VAT1L: variants seen among roughly 807,000 people sequenced by gnomAD.
VAT1L encodes the protein putative NADPH-dependent quinone oxidoreductase VAT1L.
In VAT1L, 34 loss-of-function variants were observed where a neutral mutation model predicts 44.1. That is an observed-to-expected ratio of 0.77 (90% CI 0.59 to 1.03). VAT1L has a LOEUF of 1.03. Ranked by LOEUF, VAT1L falls within the 50% of genes least tolerant of loss-of-function variation. The probability of loss-of-function intolerance (pLI) is 0.00; values close to 1 mark genes in which losing one functional copy is unlikely to be tolerated. For missense variants in VAT1L, 615 were observed against 538.8 expected (o/e 1.14, Z -1.40); for synonymous variants, 253 against 202.2 (o/e 1.25, Z -2.13).
intron 7 of VAT1L, among the ~76,000 whole-genome samples, chr16:77,894,222 A>C (rs1474689577): frequency 2.6e-5 from 4 of 152,212 alleles, no homozygotes; most frequent in Admixed American, 2.0e-4. Context: ...AGGCATCCAC[A>C]GAAAGGCAGC....
chr16:77,806,505 G>C (rs6564479), intron 1 of VAT1L, among the ~76,000 whole-genome samples: 1 of 91,936 alleles, frequency 1.1e-5, no homozygotes, highest in African/African-American at 2.9e-5. Context: ...CACCACGCCC[G>C]GCCAAGTTTT....
At chr16:77,941,188 G>C (rs1189794731) in intron 7 of VAT1L, among the ~76,000 whole-genome samples, 1 of 152,144 alleles carries the variant, frequency 6.6e-6, no homozygotes. Context: ...ATAAGCAAAA[G>C]TCACTTGCTT....
intron 7 of VAT1L, among the ~76,000 whole-genome samples, chr16:77,920,729 T>A (rs889401425): frequency 6.6e-6 from 1 of 152,202 alleles, no homozygotes; most frequent in African/African-American, 2.4e-5. Context: ...TGGGTTACAA[T>A]TGCTTACAGT....
chr16:77,898,351 T>C (rs1164906202), intron 7 of VAT1L, among the ~76,000 whole-genome samples: 5 of 152,156 alleles, frequency 3.3e-5, no homozygotes, highest in African/African-American at 4.8e-5. Flanking sequence ...GTTATATCCA[T>C]AACAAACTAT....
intron 3 of VAT1L, among the ~76,000 whole-genome samples, chr16:77,839,244 GCAA>G (rs1416557409): frequency 6.6e-6 from 1 of 151,944 alleles, no homozygotes; most frequent in Non-Finnish European, 1.5e-5. Flanking sequence ...TTAAGAATGG[GCAA>G]CAACACGGCC....
At chr16:77,892,740 C>A (rs2017281082) in intron 7 of VAT1L, 2 of 751,220 alleles carry the variant, frequency 2.7e-6, no homozygotes, top group Admixed American at 3.4e-5. Context: ...GGACCCAGCA[C>A]AAATGGTTTC....
At position 77,884,804 on chromosome 16, in the gene VAT1L, T is replaced by G; in HGVS notation, c.1077+2T>G. ...GACTCCTTGTGGGCTCTGGAGGAGG[T>G]AAGAATGGTGCTTTTCTTCTGCAAA... is the stretch of plus-strand genomic sequence containing the variant. On this transcript the variant is annotated splice_donor_variant, in intron 7 of 8. Transcript: ENST00000302536. LOFTEE classifies it high-confidence loss of function. This position sits in a 1 kb window ranked among gnomAD's most constrained non-coding sequence, Gnocchi z 4.5. The G allele has an allele frequency of 6.8e-7, 1 of 1,476,774 alleles. No homozygotes were observed. The highest frequency in any genetic ancestry group is 2.6e-5 in the East Asian group (1 of 39,194). 91.5% of individuals were successfully genotyped at this position (1,476,774 alleles called of 1,614,324 possible).
intron 1 of VAT1L, among the ~76,000 whole-genome samples, chr16:77,804,152 T>C (rs2016113973): frequency 6.6e-6 from 1 of 152,232 alleles, no homozygotes; most frequent in Non-Finnish European, 1.5e-5. Context: ...TTCAATTGGA[T>C]GACATTAAAT....
At chr16:77,894,992 G>A (rs991306060) in intron 7 of VAT1L, among the ~76,000 whole-genome samples, 2 of 151,776 alleles carry the variant, frequency 1.3e-5, no homozygotes, top group Non-Finnish European at 2.9e-5. Context: ...AGCAATTGCT[G>A]TGTTTGCTGT....
At chr16:77,924,226 C>T (rs2017642547) in intron 7 of VAT1L, among the ~76,000 whole-genome samples, 1 of 151,928 alleles carries the variant, frequency 6.6e-6, no homozygotes, top group African/African-American at 2.4e-5. Flanking sequence ...TTGCTATTTT[C>T]TAGGGCTTAT....
chr16:77,915,440 G>T (rs191880935), intron 7 of VAT1L, among the ~76,000 whole-genome samples: 12 of 152,272 alleles, frequency 7.9e-5, no homozygotes, highest in Non-Finnish European at 1.3e-4. Flanking sequence ...CATCTGGGGG[G>T]AAACAAATGG....
intron 3 of VAT1L, among the ~76,000 whole-genome samples, chr16:77,834,122 G>T (rs972238688): frequency 6.6e-6 from 1 of 152,134 alleles, no homozygotes; most frequent in Non-Finnish European, 1.5e-5. Context: ...GGCTCCCATT[G>T]TTCTCAGGAC....
chr16:77,946,279 C>CTTTTTTTTTGTTTTTTTTTTTTT (rs2017963977), intron 7 of VAT1L, among the ~76,000 whole-genome samples: 1 of 70,428 alleles, frequency 1.4e-5, no homozygotes, highest in Non-Finnish European at 2.5e-5. Context: ...GTTACTTGTT[C>CTTTTTTTTTGTTTTTTTTTTTTT]TTTTTTTTTT....
rs1567523591 is a variant in VAT1L, at chr16:77,962,731, A to AAGGAAGGAAGGAAGGAAG, written c.1078-9119_1078-9118insAGGAAGGAAGGAAGGAAG. Among the ~76,000 whole-genome samples, 10 of 46,688 alleles carry AAGGAAGGAAGGAAGGAAG rather than the reference A, an allele frequency of 2.1e-4. No homozygotes were observed. The East Asian group carries it at 5.4e-3, about 25-fold the overall frequency. 30.6% of individuals were successfully genotyped at this position (46,688 alleles called of 152,430 possible). On this transcript the variant is annotated intron_variant, in intron 7 of 8. Transcript: ENST00000302536. ...GACCTTTTCTCTACAAAAGAAGGAA[A>AAGGAAGGAAGGAAGGAAG]GAAGGAAAGAAGGAAGGAAGGAAGG...
rs2017965009 is a variant in VAT1L at position 77,946,279 on chromosome 16, C to CTTTTTTTTTTTTTTTTTTTTTTGTTTTTT, written c.1078-25548_1078-25547insTTTTTTTTTTTTTTTTTTTTTTTTTTTTG. Among the ~76,000 whole-genome samples the CTTTTTTTTTTTTTTTTTTTTTTGTTTTTT allele has an allele frequency of 2.8e-5, 2 of 70,428 alleles. 1 individual carries two copies. Among genetic ancestry groups the CTTTTTTTTTTTTTTTTTTTTTTGTTTTTT allele is most frequent in the African/African-American group, 1.1e-4 (2 of 18,904 alleles). 46.2% of individuals were successfully genotyped at this position (70,428 alleles called of 152,430 possible). ...GTTCTGGACATCTAGGTTACTTGTT[C>CTTTTTTTTTTTTTTTTTTTTTTGTTTTTT]TTTTTTTTTTTTTTTTTTTTTTGAG... On this transcript the variant is annotated intron_variant, in intron 7 of 8. Coordinates refer to ENST00000302536, the MANE Select transcript of VAT1L (RefSeq NM_020927.3).
At chr16:77,829,415 G>T (rs2016556440) in intron 3 of VAT1L, among the ~76,000 whole-genome samples, 1 of 152,202 alleles carries the variant, frequency 6.6e-6, no homozygotes, top group African/African-American at 2.4e-5. Context: ...TTTGCAGACA[G>T]CATGTGAGGA....
intron 8 of VAT1L, among the ~76,000 whole-genome samples, chr16:77,972,966 G>A (rs540611532): frequency 1.1e-3 from 170 of 152,034 alleles, no homozygotes; most frequent in African/African-American, 4.0e-3. Context: ...GATTATAGGC[G>A]TGAGCTACCA....
intron 2 of VAT1L, among the ~76,000 whole-genome samples, chr16:77,817,885 C>T (rs939166384): frequency 1.3e-5 from 2 of 152,066 alleles, no homozygotes; most frequent in African/African-American, 4.8e-5. Flanking sequence ...TAAGTGCTCC[C>T]CTAGGGAGGA....
intron 1 of VAT1L, among the ~76,000 whole-genome samples, chr16:77,805,333 A>G (rs2016136298): frequency 6.6e-6 from 1 of 152,190 alleles, no homozygotes; most frequent in African/African-American, 2.4e-5. Context: ...AAAAGAAAAA[A>G]GATTTATGCC....
Sources: gnomAD v4.1 joint callset for allele counts (sites outside exome capture counted in the v4.1 genomes callset) on GRCh38, gnomAD v4.1.1 for gene constraint, Gnocchi (gnomAD v3.1) non-coding constraint, MANE v1.5 for transcripts, NCBI Gene and HGNC (gene_info 2026-07-23, HGNC 2026-07-21) for gene names.